The following DNAJB4 variants were observed in gnomAD, a reference collection of about 807,000 sequenced individuals.
DNAJB4 encodes DnaJ heat shock protein family (Hsp40) member B4.
Under a neutral mutation model 26.6 loss-of-function variants are expected in DNAJB4, and 10 were observed. The observed-to-expected ratio is 0.38, with a 90% CI of 0.23 to 0.64. DNAJB4 has a LOEUF of 0.64. DNAJB4 is among the 30% of genes least tolerant of loss of function. DNAJB4 has a pLI of 0.58. For synonymous variants in DNAJB4, 136 were observed against 134.8 expected (o/e 1.01, Z -0.06); for missense variants, 328 against 408.2 (o/e 0.80, Z 1.69).
intron 1 of DNAJB4, among the ~76,000 whole-genome samples, chr1:77,983,518 G>A (rs923350229): frequency 1.3e-5 from 2 of 152,130 alleles, no homozygotes; most frequent in South Asian, 4.1e-4. Flanking sequence ...CCTGGCTTTC[G>A]TAGGCAGAGG....
At chr1:78,013,653 A>G (rs1359223857) in intron 2 of DNAJB4, 34 bp downstream of exon 2, 1 of 1,461,880 alleles carries the variant, frequency 6.8e-7, no homozygotes, top group Non-Finnish European at 9.2e-7. Flanking sequence ...CTAAGACCAA[A>G]TAATTATGTA....
chr1:77,987,308 A>C (rs1479184241), intron 1 of DNAJB4, among the ~76,000 whole-genome samples: 1 of 152,176 alleles, frequency 6.6e-6, no homozygotes, highest in Non-Finnish European at 1.5e-5. Context: ...CTGTCGCCCA[A>C]ACTGAAGTGC....
rs1266032008 is a variant in DNAJB4, at chr1:78,017,846, A to G, written c.*1599A>G. 2 of 149,222 alleles carry G rather than the reference A, an allele frequency of 1.3e-5. No individual in the cohort carries two copies. The highest frequency in any genetic ancestry group is 4.0e-4 in the East Asian group (2 of 5,042). The allele number at this position is 149,222 out of a possible 1,614,324, so 9.2% of individuals were successfully genotyped here. A position where few individuals can be genotyped will look rare whatever the true frequency, so the allele number is the denominator to read the frequency against. The stretch of plus-strand genomic sequence containing the variant: ...CATCTATGTTGTATCACGTATCAGT[A>G]CTTTATTTTTTGTGTGGCACGTCAT... On this transcript the variant is annotated 3_prime_UTR_variant, in exon 3 of 3. Coordinates refer to ENST00000370763, the MANE Select transcript of DNAJB4 (RefSeq NM_007034.5).
intron 1 of DNAJB4, among the ~76,000 whole-genome samples, chr1:77,991,847 T>C (rs74092343): frequency 0.093 from 14,146 of 152,226 alleles, 1,242 homozygotes; most frequent in African/African-American, 0.23. Flanking sequence ...TAGGTAAGCT[T>C]CATTCAGGCA....
chr1:78,008,048 T>C (rs1217177701), intron 1 of DNAJB4, among the ~76,000 whole-genome samples: 2 of 152,182 alleles, frequency 1.3e-5, no homozygotes, highest in African/African-American at 4.8e-5. Flanking sequence ...CAATTTAAAA[T>C]GCTTTGTTTT....
chr1:77,987,764 T>A (rs1195944106), intron 1 of DNAJB4, among the ~76,000 whole-genome samples: 1 of 152,030 alleles, frequency 6.6e-6, no homozygotes, highest in African/African-American at 2.4e-5. Context: ...AGTTCACCAC[T>A]TCTCATCACC....
At chr1:77,996,586 T>G (rs1660065082) in intron 1 of DNAJB4, among the ~76,000 whole-genome samples, 1 of 152,182 alleles carries the variant, frequency 6.6e-6, no homozygotes. Flanking sequence ...TTTAAACAAT[T>G]TAAAATCTTG....
At chr1:77,985,850 G>A (rs1044960327) in intron 1 of DNAJB4, among the ~76,000 whole-genome samples, 1 of 152,012 alleles carries the variant, frequency 6.6e-6, no homozygotes, top group African/African-American at 2.4e-5. Flanking sequence ...AGATACAGTA[G>A]TAAACAAAAT....
intron 1 of DNAJB4, among the ~76,000 whole-genome samples, chr1:77,995,314 A>G (rs1571431282): frequency 6.6e-6 from 1 of 152,192 alleles, no homozygotes; most frequent in African/African-American, 2.4e-5. Flanking sequence ...AGCTTGCTTT[A>G]TATTTCTGTT....
chr1:77,991,195 C>A (rs1327463003), intron 1 of DNAJB4, among the ~76,000 whole-genome samples: 1 of 152,100 alleles, frequency 6.6e-6, no homozygotes, highest in Non-Finnish European at 1.5e-5. Flanking sequence ...TAACAAATAT[C>A]CCTTCAAAGG....
chr1:77,994,256 G>C (rs1328162954), intron 1 of DNAJB4, among the ~76,000 whole-genome samples: 2 of 151,964 alleles, frequency 1.3e-5, no homozygotes, highest in African/African-American at 2.4e-5. Context: ...AAAATAGCTA[G>C]ACATGGTGGC....
rs556917744 is a variant in DNAJB4, at chr1:77,981,684, AAAT to A, written c.-32+1365_-32+1367del. ...AGACAAAGGTTCTTTGTGAAAATAT[AAAT>A]AAACTGCTTTTTAGGATCTCTTCAG... On this transcript the variant is annotated intron_variant, in intron 1 of 2. Coordinates refer to the DNAJB4 transcript ENST00000426517. Among the ~76,000 whole-genome samples, 3 of 152,338 alleles carry A rather than the reference AAAT, an allele frequency of 2.0e-5. No individual in the cohort carries two copies. The South Asian group carries it at 6.2e-4, about 32-fold the overall frequency.
upstream of DNAJB4, among the ~76,000 whole-genome samples, chr1:78,001,401 A>G (rs1192888058): frequency 2.0e-5 from 3 of 152,102 alleles, no homozygotes; most frequent in Non-Finnish European, 4.4e-5. Flanking sequence ...AAATATTGCC[A>G]GGAAAAGTTA....
At chr1:77,995,804 G>T (rs1301582523) in intron 1 of DNAJB4, among the ~76,000 whole-genome samples, 1 of 152,064 alleles carries the variant, frequency 6.6e-6, no homozygotes, top group Non-Finnish European at 1.5e-5. Context: ...AAATTAGCTG[G>T]GTGTGGTGGC....
At chr1:77,986,402 A>G (rs1011972975) in intron 1 of DNAJB4, among the ~76,000 whole-genome samples, 7 of 152,184 alleles carry the variant, frequency 4.6e-5, no homozygotes, top group African/African-American at 1.4e-4. Flanking sequence ...TATTCTCCTC[A>G]AGATGACCTC....
At chr1:77,988,036 C>A (rs941767718) in intron 1 of DNAJB4, among the ~76,000 whole-genome samples, 2 of 129,204 alleles carry the variant, frequency 1.5e-5, no homozygotes, top group East Asian at 2.8e-4. Context: ...TGTATTTCCC[C>A]CCCCCCCCAG....
At chr1:78,015,508 TTTTTCTTTTC>T (rs1244447674) in intron 2 of DNAJB4, among the ~76,000 whole-genome samples, 1 of 151,104 alleles carries the variant, frequency 6.6e-6, no homozygotes, top group African/African-American at 2.4e-5. Context: ...AATTTTCCTT[TTTTTCTTTTC>T]TTTTCTTTTT....
chr1:77,984,329 C>T (rs1360370234), intron 1 of DNAJB4, among the ~76,000 whole-genome samples: 1 of 152,228 alleles, frequency 6.6e-6, no homozygotes, highest in Non-Finnish European at 1.5e-5. Flanking sequence ...CTAACTCAAA[C>T]TTTTTGTTAG....
Position 78,004,965 on chromosome 1 carries a change from C to A in DNAJB4, c.-146C>A. 1 of 776,422 alleles carries A rather than the reference C, an allele frequency of 1.3e-6. No homozygotes were observed. Among genetic ancestry groups the A allele is most frequent in the Non-Finnish European group, 2.1e-6 (1 of 470,676 alleles). The allele number at this position is 776,422 out of a possible 1,614,324, so 48.1% of individuals were successfully genotyped here. A position where few individuals can be genotyped will look rare whatever the true frequency, so the allele number is the denominator to read the frequency against. On this transcript the variant is annotated 5_prime_UTR_variant, in exon 1 of 3. Coordinates refer to ENST00000370763, the MANE Select transcript of DNAJB4 (RefSeq NM_007034.5). ...GGATTGAATACAGAGACGCTGTCTG[C>A]TTGCTGCCTTAAGACAGCTAGCTGA...
Sources: gnomAD v4.1 joint callset for allele counts (sites outside exome capture counted in the v4.1 genomes callset) on GRCh38, gnomAD v4.1.1 for gene constraint, MANE v1.5 for transcripts, NCBI Gene and HGNC (gene_info 2026-07-23, HGNC 2026-07-21) for gene names.